STAU2: variants seen among roughly 807,000 people sequenced by gnomAD.
The protein encoded by STAU2 is staufen double-stranded RNA binding protein 2.
A neutral mutation model predicts 65.9 loss-of-function variants in STAU2; 20 were observed. The ratio of observed to expected loss-of-function variants is 0.30; its 90% CI spans 0.21 to 0.44. STAU2 has a LOEUF of 0.44. Among genes scored for constraint, STAU2 ranks in the 20% least tolerant of loss-of-function variants. The pLI is 1.00. For synonymous variants in STAU2, 232 were observed against 233.9 expected, an observed-to-expected ratio of 0.99 and a Z score of 0.07; for missense variants, 558 against 683.9, an observed-to-expected ratio of 0.82 and a Z score of 2.05.
intron 11 of STAU2, among the ~76,000 whole-genome samples, chr8:73,593,943 T>C (rs905468891): frequency 2.0e-5 from 3 of 152,078 alleles, no homozygotes; most frequent in African/African-American, 4.8e-5. Context: ...CCCTGACTTA[T>C]ACAGTGGTTA....
intron 13 of STAU2, among the ~76,000 whole-genome samples, chr8:73,447,378 A>G (rs544340839): frequency 2.3e-4 from 35 of 152,176 alleles, no homozygotes; most frequent in Admixed American, 5.9e-4. Flanking sequence ...AAGACACCAT[A>G]AACAGCTCGA....
intron 10 of STAU2, among the ~76,000 whole-genome samples, chr8:73,600,203 TTAA>T (rs1249406627): frequency 6.6e-6 from 1 of 152,196 alleles, no homozygotes; most frequent in African/African-American, 2.4e-5. Context: ...GTACTCTCTT[TTAA>T]CAGAGTTTCA....
rs1477574768 is a variant in STAU2 at position 73,613,753 on chromosome 8, T to C, written c.882A>G (p.Thr294=). 6.2e-7 allele frequency: 1 copy of C among 1,607,572 alleles called. No homozygotes were observed. Among genetic ancestry groups the C allele is most frequent in the South Asian group, 1.1e-5 (1 of 90,126 alleles). The change falls in exon 9 of 15, where the codon ACA becomes ACG. Residue 294 remains threonine (T), a synonymous_variant. Coordinates refer to ENST00000524300, the MANE Select transcript of STAU2 (RefSeq NM_001164380.2). ...PKLFFKKRPK[T]IVKAGPEYGQ... Reference sequence around the variant, plus strand: ...ACAAATATAAACTTACCTTTACTATTGTTTTAGGGCGTTTTTTAAAAAATA... The same window carrying C: ...ACAAATATAAACTTACCTTTACTATCGTTTTAGGGCGTTTTTTAAAAAATA...
At chr8:73,558,016 G>T (rs1436207321) in intron 12 of STAU2, among the ~76,000 whole-genome samples, 1 of 152,176 alleles carries the variant, frequency 6.6e-6, no homozygotes, top group Non-Finnish European at 1.5e-5. Flanking sequence ...GAAAAAAACT[G>T]AAGCATGGAG....
intron 9 of STAU2, among the ~76,000 whole-genome samples, chr8:73,606,413 T>A (rs963315780): frequency 6.6e-6 from 1 of 152,052 alleles, no homozygotes; most frequent in Non-Finnish European, 1.5e-5. Context: ...AAATAAGCAA[T>A]TAAAATTTGT....
At chr8:73,743,635 G>T (rs114983528) in intron 1 of STAU2, among the ~76,000 whole-genome samples, 3 of 150,358 alleles carry the variant, frequency 2.0e-5, no homozygotes, top group Non-Finnish European at 4.4e-5. Flanking sequence ...CACCACGGCC[G>T]GCTAATTTTA....
intron 13 of STAU2, among the ~76,000 whole-genome samples, chr8:73,434,126 A>G (rs1024680412): frequency 4.0e-5 from 6 of 151,790 alleles, no homozygotes; most frequent in Non-Finnish European, 8.8e-5. Context: ...CTGTGGTCAG[A>G]GAGAAAGATG....
chr8:73,662,504 T>C (rs1345597806), intron 6 of STAU2, among the ~76,000 whole-genome samples: 1 of 152,238 alleles, frequency 6.6e-6, no homozygotes, highest in African/African-American at 2.4e-5. Context: ...GCAAAGTATT[T>C]TCTTCTGGAA....
chr8:73,493,231 G>A (rs955937990), intron 13 of STAU2, among the ~76,000 whole-genome samples: 36 of 151,332 alleles, frequency 2.4e-4, no homozygotes, highest in African/African-American at 8.5e-4. Context: ...ATAGAAAAAA[G>A]TTTCTTAAAG....
chr8:73,474,118 T>C (rs988460707), intron 13 of STAU2, among the ~76,000 whole-genome samples: 1 of 152,120 alleles, frequency 6.6e-6, no homozygotes, highest in South Asian at 2.1e-4. Flanking sequence ...CTGTGGTATG[T>C]GGTCTAAATG....
chr8:73,466,564 A>G (rs1165995182), intron 13 of STAU2, among the ~76,000 whole-genome samples: 1 of 152,162 alleles, frequency 6.6e-6, no homozygotes, highest in African/African-American at 2.4e-5. Flanking sequence ...AGGAGAAGCC[A>G]CTCTGATAAA....
chr8:73,605,836 TACACATAC>T (rs1225680198), intron 9 of STAU2, among the ~76,000 whole-genome samples: 12 of 78,536 alleles, frequency 1.5e-4, no homozygotes, highest in Admixed American at 2.8e-4. Context: ...TATACACACA[TACACATAC>T]ACACACACAC....
rs370019142 is a variant in STAU2, at chr8:73,662,599, T to TTTGTTGTTGTTGTTGTTGTTG, written c.410+10487_410+10507dup. Among the ~76,000 whole-genome samples, 1,027 of 150,696 alleles carry TTTGTTGTTGTTGTTGTTGTTG rather than the reference T, an allele frequency of 6.8e-3. 12 individuals are homozygous for TTTGTTGTTGTTGTTGTTGTTG. Among genetic ancestry groups the TTTGTTGTTGTTGTTGTTGTTG allele is most frequent in the African/African-American group, 0.023 (940 of 40,804 alleles). ...GGTGTGAAGTCAAGGTTCAGGGGTT[T>TTTGTTGTTGTTGTTGTTGTTG]TTGTTGTTGTTGTTGTTGTTGTTGT... On this transcript the variant is annotated intron_variant, in intron 6 of 14. Coordinates refer to ENST00000524300, the MANE Select transcript of STAU2 (RefSeq NM_001164380.2).
chr8:73,519,338 G>C (rs889005769), intron 13 of STAU2, among the ~76,000 whole-genome samples: 1 of 152,106 alleles, frequency 6.6e-6, no homozygotes, highest in Non-Finnish European at 1.5e-5. Flanking sequence ...TCAAACCTAT[G>C]ACGTCTCTTT....
At chr8:73,655,236 A>C (rs1816264478) in intron 6 of STAU2, among the ~76,000 whole-genome samples, 1 of 152,264 alleles carries the variant, frequency 6.6e-6, no homozygotes, top group Non-Finnish European at 1.5e-5. Context: ...AGTACTTGCA[A>C]AGGATGTAGT....
At chr8:73,424,730 T>A (rs1378650405) in intron 13 of STAU2, among the ~76,000 whole-genome samples, 2 of 151,756 alleles carry the variant, frequency 1.3e-5, no homozygotes, top group Non-Finnish European at 2.9e-5. Flanking sequence ...TCTCTTGCTT[T>A]TCTATTGTTG....
chr8:73,563,080 A>C (rs746841969), intron 12 of STAU2, among the ~76,000 whole-genome samples: 10 of 152,176 alleles, frequency 6.6e-5, no homozygotes, highest in African/African-American at 2.4e-4. Context: ...TAGACAAAAC[A>C]CACCTTAGTC....
chr8:73,595,233 G>C lies in STAU2; in HGVS notation c.1094C>G (p.Ala365Gly). The C allele has an allele frequency of 1.9e-6, 3 of 1,611,774 alleles. No homozygotes were observed. The highest frequency in any genetic ancestry group is 2.5e-6 in the Non-Finnish European group (3 of 1,179,064). ...GPNKKIAKKN[A>G]AEAMLLQLGY... Reference sequence around the variant, plus strand: ...AAGTTGTAACAGCATTGCTTCTGCAGCATTTTTTTTGGCTATCTTTTTATT... The same window carrying C: ...AAGTTGTAACAGCATTGCTTCTGCACCATTTTTTTTGGCTATCTTTTTATT... Residue 365 changes from alanine (A) to glycine (G), a missense_variant, in exon 11 of 15, where the codon GCT becomes GGT. By Grantham distance (60) the Ala-to-Gly change is moderately conservative. This residue lies in a region of STAU2 where 247 missense variants were observed against 270.1 expected (regional missense o/e 0.91). Coordinates refer to ENST00000524300, the MANE Select transcript of STAU2 (RefSeq NM_001164380.2).
Position 73,552,074 on chromosome 8 carries a change from G to C in STAU2, c.1468C>G (p.Pro490Ala). Residue 490 changes from proline (P) to alanine (A), a missense_variant, in exon 13 of 15, where the codon CCT becomes GCT. By Grantham distance (27) the Pro-to-Ala change is conservative (BLOSUM62 -1). Around this residue, in one of 3 missense-constraint regions of STAU2, gnomAD observed 247 missense variants for 270.1 expected, o/e 0.91. Coordinates refer to ENST00000524300, the MANE Select transcript of STAU2 (RefSeq NM_001164380.2). ...TTTGAAGGTTGTACTGGAGAACAAG[G>C]GGGAGTAGGAGAACTTCCTTTTAAA... Reference protein sequence around the residue: ...IGLKGSSPTPPCSPVQPSKQL... With the variant: ...IGLKGSSPTPACSPVQPSKQL... 6.2e-7 allele frequency: 1 copy of C among 1,611,298 alleles called. No homozygotes were observed. The highest frequency in any genetic ancestry group is 8.5e-7 in the Non-Finnish European group (1 of 1,178,180).
Sources: gnomAD v4.1 joint callset for allele counts (sites outside exome capture counted in the v4.1 genomes callset) on GRCh38, gnomAD v4.1.1 for gene constraint, gnomAD v4.1.1 regional missense constraint, MANE v1.5 for transcripts, NCBI Gene and HGNC (gene_info 2026-07-23, HGNC 2026-07-21) for gene names.